CTNNA2: variants seen among roughly 807,000 people sequenced by gnomAD.
The protein encoded by CTNNA2 is catenin alpha-2.
CTNNA2 carries 42 observed loss-of-function variants against 101.0 expected under a neutral mutation model. The ratio of observed to expected loss-of-function variants is 0.42; its 90% CI spans 0.32 to 0.54. CTNNA2 has a LOEUF of 0.54. Ranked by LOEUF, CTNNA2 falls within the 20% of genes least tolerant of loss-of-function variation. The probability of loss-of-function intolerance (pLI) is 0.14; values close to 1 mark genes in which losing one functional copy is unlikely to be tolerated. For synonymous variants in CTNNA2, 450 were observed against 456.4 expected, an observed-to-expected ratio of 0.99 and a Z score of 0.18; for missense variants, 871 against 1,223.1, an observed-to-expected ratio of 0.71 and a Z score of 4.29.
At chr2:80,144,380 T>C (rs1303186288) in intron 7 of CTNNA2, among the ~76,000 whole-genome samples, 1 of 152,162 alleles carries the variant, frequency 6.6e-6, no homozygotes, top group South Asian at 2.1e-4. Flanking sequence ...TTAAAAAGAT[T>C]AGTTAAGATC....
chr2:80,376,473 A>C (rs544959540), intron 7 of CTNNA2, among the ~76,000 whole-genome samples: 3 of 152,222 alleles, frequency 2.0e-5, no homozygotes, highest in Admixed American at 2.0e-4. Context: ...CAGGAAAAAA[A>C]AAAAAAAACG....
chr2:79,470,328 C>T (rs1175484829), intron 4 of CTNNA2, among the ~76,000 whole-genome samples: 1 of 151,852 alleles, frequency 6.6e-6, no homozygotes, highest in African/African-American at 2.4e-5. Context: ...GAAAACAATG[C>T]CCTGTCTCTA....
At chr2:80,127,907 A>G (rs1374629297) in intron 7 of CTNNA2, among the ~76,000 whole-genome samples, 1 of 152,120 alleles carries the variant, frequency 6.6e-6, no homozygotes, top group Non-Finnish European at 1.5e-5. Context: ...TCTCTGTGGG[A>G]GAGTTCTTAC....
chr2:79,247,917 C>T (rs973813174), intron 2 of CTNNA2, among the ~76,000 whole-genome samples: 1 of 152,136 alleles, frequency 6.6e-6, no homozygotes, highest in Non-Finnish European at 1.5e-5. Context: ...AGAAGGAGCA[C>T]GGCCATGTCT....
intron 3 of CTNNA2, among the ~76,000 whole-genome samples, chr2:79,798,071 C>G (rs1259215568): frequency 2.0e-5 from 3 of 152,162 alleles, no homozygotes; most frequent in African/African-American, 7.2e-5. Flanking sequence ...CTGCAGCATT[C>G]TCTGGGAACT....
At chr2:80,590,356 A>G (rs1696363916) in intron 15 of CTNNA2, among the ~76,000 whole-genome samples, 1 of 152,208 alleles carries the variant, frequency 6.6e-6, no homozygotes, top group African/African-American at 2.4e-5. Flanking sequence ...ACTTCAGAAG[A>G]GAGTTTTAAA....
intron 2 of CTNNA2, among the ~76,000 whole-genome samples, chr2:79,696,344 G>A (rs1477889187): frequency 1.3e-5 from 2 of 151,990 alleles, no homozygotes; most frequent in Non-Finnish European, 2.9e-5. Flanking sequence ...TTGTCCTAAG[G>A]TAGCTTAAAA....
chr2:80,162,810 A>G, intron 7 of CTNNA2: 4 of 1,593,130 alleles, frequency 2.5e-6, no homozygotes, highest in Non-Finnish European at 3.4e-6. Context: ...ACTGTTCATC[A>G]CTGCTTGTCT....
intron 9 of CTNNA2, among the ~76,000 whole-genome samples, chr2:80,507,730 T>A (rs901972038): frequency 6.6e-6 from 1 of 152,188 alleles, no homozygotes; most frequent in Non-Finnish European, 1.5e-5. Flanking sequence ...TAAATTGCAA[T>A]AGAAAATGCT....
At chr2:80,116,638 G>A (rs1026551984) in intron 7 of CTNNA2, among the ~76,000 whole-genome samples, 1 of 152,106 alleles carries the variant, frequency 6.6e-6, no homozygotes, top group African/African-American at 2.4e-5. Flanking sequence ...ATAGAGAAGA[G>A]AGCACCCTTG....
At chr2:79,260,663 C>T (rs370953455) in intron 2 of CTNNA2, among the ~76,000 whole-genome samples, 142 of 152,264 alleles carry the variant, frequency 9.3e-4, no homozygotes, top group African/African-American at 3.2e-3. Context: ...TTCGCACATT[C>T]TGTGAAGGAA....
At chr2:79,577,069 T>G (rs1675845296) in intron 1 of CTNNA2, among the ~76,000 whole-genome samples, 1 of 152,126 alleles carries the variant, frequency 6.6e-6, no homozygotes, top group African/African-American at 2.4e-5. Flanking sequence ...GAATCAAAGT[T>G]AGTTAAAATT....
chr2:79,971,191 TTTCTTGTAAAC>T (rs1332746220), intron 7 of CTNNA2, among the ~76,000 whole-genome samples: 1 of 152,204 alleles, frequency 6.6e-6, no homozygotes, highest in Non-Finnish European at 1.5e-5. Flanking sequence ...TTGTTCAATG[TTTCTTGTAAAC>T]TCAAAAGCAA....
intron 13 of CTNNA2, among the ~76,000 whole-genome samples, chr2:80,576,805 AAAAT>A (rs1695092863): frequency 6.6e-6 from 1 of 150,958 alleles, no homozygotes; most frequent in African/African-American, 2.4e-5. Flanking sequence ...AAAAAAAAAA[AAAAT>A]ACAAAAATCA....
chr2:80,512,648 AT>A (rs1688796924), intron 9 of CTNNA2, among the ~76,000 whole-genome samples: 1 of 149,132 alleles, frequency 6.7e-6, no homozygotes, highest in Non-Finnish European at 1.5e-5. Flanking sequence ...ATTTTGGAAA[AT>A]ATATATGGCT....
chr2:79,983,578 A>G (rs1197183889), intron 7 of CTNNA2, among the ~76,000 whole-genome samples: 1 of 152,152 alleles, frequency 6.6e-6, no homozygotes, highest in Non-Finnish European at 1.5e-5. Flanking sequence ...ATTAAGGCCC[A>G]GTTAAGAACA....
intron 9 of CTNNA2, among the ~76,000 whole-genome samples, chr2:80,530,461 G>T (rs1382040901): frequency 2.0e-5 from 3 of 152,184 alleles, no homozygotes; most frequent in Admixed American, 2.0e-4. Flanking sequence ...TATGTGTTTT[G>T]CAGGACACAG....
At chr2:79,473,368 T>C (rs1232735939) in intron 4 of CTNNA2, among the ~76,000 whole-genome samples, 2 of 151,936 alleles carry the variant, frequency 1.3e-5, no homozygotes, top group Admixed American at 6.6e-5. Context: ...ACTCAGAGAA[T>C]ACCAAGTAGG....
chr2:80,073,730 TCA>T (rs3067109), intron 7 of CTNNA2, among the ~76,000 whole-genome samples: 11,830 of 130,302 alleles, frequency 0.091, 513 homozygotes, highest in Non-Finnish European at 0.11. Flanking sequence ...TCTCTCTCTG[TCA>T]CACACACACA....
Sources: allele counts gnomAD v4.1 joint callset (sites outside exome capture counted in the v4.1 genomes callset), GRCh38; gene constraint gnomAD v4.1.1; transcripts MANE v1.5; gene names NCBI Gene and HGNC (gene_info 2026-07-23, HGNC 2026-07-21).